FUT8: variants seen among roughly 807,000 people sequenced by gnomAD.
The protein encoded by FUT8 is alpha-(1,6)-fucosyltransferase.
Under a neutral mutation model 71.3 loss-of-function variants are expected in FUT8, and 29 were observed. The observed-to-expected ratio is 0.41, with a 90% CI of 0.30 to 0.55. The LOEUF is 0.55. Ranked by LOEUF, FUT8 falls within the 20% of genes least tolerant of loss-of-function variation. The probability of loss-of-function intolerance (pLI) is 0.34; values close to 1 mark genes in which losing one functional copy is unlikely to be tolerated. For missense variants in FUT8, 544 were observed against 702.1 expected (o/e 0.77, Z 2.55); for synonymous variants, 254 against 239.3 (o/e 1.06, Z -0.57).
intron 3 of FUT8, among the ~76,000 whole-genome samples, chr14:65,564,687 T>C (rs9323461): frequency 0.7 from 106,280 of 151,758 alleles, 37,505 homozygotes; most frequent in East Asian, 0.9. Flanking sequence ...AATTCTGTCC[T>C]GACCTCCTGT....
At chr14:65,659,597 C>CT (rs968164663) in intron 6 of FUT8, among the ~76,000 whole-genome samples, 3 of 152,204 alleles carry the variant, frequency 2.0e-5, no homozygotes, top group East Asian at 3.9e-4. Context: ...AGAACTGATA[C>CT]TTTATCTTTT....
intron 9 of FUT8, among the ~76,000 whole-genome samples, chr14:65,732,098 A>G (rs1594947676): frequency 6.6e-6 from 1 of 152,206 alleles, no homozygotes; most frequent in South Asian, 2.1e-4. Flanking sequence ...CAAATGTGAC[A>G]TTTTCTTCAT....
At chr14:65,599,390 T>G (rs975001883) in intron 3 of FUT8, among the ~76,000 whole-genome samples, 1 of 152,210 alleles carries the variant, frequency 6.6e-6, no homozygotes, top group Admixed American at 6.5e-5. Context: ...TCTTAAAAAT[T>G]GAAGAAGTGC....
intron 1 of FUT8, among the ~76,000 whole-genome samples, chr14:65,443,418 A>AAC (rs2139499211): frequency 6.6e-6 from 1 of 151,090 alleles, no homozygotes; most frequent in East Asian, 1.9e-4. Context: ...TCAAAAAAAA[A>AAC]AAAAGAGTTT....
intron 2 of FUT8, among the ~76,000 whole-genome samples, chr14:65,517,266 G>T (rs1294772858): frequency 6.6e-6 from 1 of 151,948 alleles, no homozygotes; most frequent in African/African-American, 2.4e-5. Context: ...ACTTAAACGA[G>T]CTAAATATCT....
the FUT8 span, among the ~76,000 whole-genome samples, chr14:65,398,215 T>C: frequency 9.8e-4 from 149 of 152,252 alleles, 1 homozygote; most frequent in Non-Finnish European, 1.3e-3. Flanking sequence ...GGCTGGAGTA[T>C]AGTGGCACAA....
the FUT8 span, among the ~76,000 whole-genome samples, chr14:65,394,777 G>T: frequency 5.7e-4 from 85 of 149,118 alleles, no homozygotes; most frequent in Non-Finnish European, 1.1e-3. Context: ...TTGAGACGGA[G>T]TCTTGCTCTG....
chr14:65,726,330 A>G (rs561983308), intron 9 of FUT8, among the ~76,000 whole-genome samples: 3 of 152,342 alleles, frequency 2.0e-5, no homozygotes, highest in South Asian at 2.1e-4. Context: ...TAAATACCCT[A>G]TTAGTTCATT....
intron 2 of FUT8, among the ~76,000 whole-genome samples, chr14:65,477,061 A>C (rs12147506): frequency 0.012 from 1,826 of 152,176 alleles, 15 homozygotes; most frequent in South Asian, 0.024. Context: ...GCACTCTTGA[A>C]GATTCTGAGT....
intron 1 of FUT8, among the ~76,000 whole-genome samples, chr14:65,426,328 GTTT>G (rs1334950112): frequency 2.2e-5 from 3 of 133,958 alleles, no homozygotes; most frequent in Non-Finnish European, 1.6e-5. Context: ...CCTTTTTAAA[GTTT>G]TTTTTTTTTT....
At chr14:65,562,634 G>A (rs1885976547) in intron 3 of FUT8, among the ~76,000 whole-genome samples, 1 of 152,064 alleles carries the variant, frequency 6.6e-6, no homozygotes, top group African/African-American at 2.4e-5. Context: ...TCAAACTAGA[G>A]AAGCTAGAAA....
chr14:65,717,839 T>A (rs1375440600), intron 7 of FUT8, among the ~76,000 whole-genome samples: 1 of 152,184 alleles, frequency 6.6e-6, no homozygotes, highest in East Asian at 1.9e-4. Context: ...TTTTTATAGT[T>A]TTTTTTTCTT....
chr14:65,433,612 T>C (rs1034391580), intron 1 of FUT8, among the ~76,000 whole-genome samples: 3 of 152,226 alleles, frequency 2.0e-5, no homozygotes, highest in Non-Finnish European at 4.4e-5. Context: ...AAATGTAAGG[T>C]AATGAAAAGT....
At chr14:65,633,013 C>CT (rs1431387398) in intron 6 of FUT8, among the ~76,000 whole-genome samples, 2 of 147,842 alleles carry the variant, frequency 1.4e-5, no homozygotes, top group Non-Finnish European at 3.0e-5. Context: ...CTCCCCCCCC[C>CT]CGTCTCCCCA....
the FUT8 span, among the ~76,000 whole-genome samples, chr14:65,366,957 A>G: frequency 8.2e-4 from 125 of 152,338 alleles, no homozygotes; most frequent in Admixed American, 1.9e-3. Flanking sequence ...AAATGTAGAG[A>G]AAAGCGAAGA....
intron 7 of FUT8, among the ~76,000 whole-genome samples, chr14:65,712,312 A>G (rs534977758): frequency 6.6e-6 from 1 of 152,334 alleles, no homozygotes; most frequent in Non-Finnish European, 1.5e-5. Context: ...GATTTATGGA[A>G]ATTTAATTCT....
At chr14:65,381,567 CCCTT>C in the FUT8 span, among the ~76,000 whole-genome samples, 1 of 152,174 alleles carries the variant, frequency 6.6e-6, no homozygotes, top group Non-Finnish European at 1.5e-5. Flanking sequence ...GGCCTCTTGA[CCCTT>C]TGCCTTCTAC....
intron 5 of FUT8, among the ~76,000 whole-genome samples, chr14:65,620,310 C>A (rs1374042693): frequency 6.6e-6 from 1 of 152,056 alleles, no homozygotes; most frequent in Non-Finnish European, 1.5e-5. Flanking sequence ...ATCTCATCTC[C>A]CTTACCTAGT....
rs906498622 is a variant in FUT8, at chr14:65,483,216, CT to C, written c.-228+27499del. On this transcript the variant is annotated intron_variant, in intron 2 of 10. Coordinates refer to ENST00000673929, the MANE Select transcript of FUT8 (RefSeq NM_001371533.1). The surrounding 1 kb of genome is among the most constrained non-coding windows in gnomAD (Gnocchi z 4.4). The stretch of plus-strand genomic sequence containing the variant: ...ACTTCCGTGCTATTCAGTGAGAGGA[CT>C]GTGTTCTCTCCAACAAGGTCTGGAT... Among the ~76,000 whole-genome samples, 1 of 152,202 alleles carries C rather than the reference CT, an allele frequency of 6.6e-6. No homozygotes were observed. Among genetic ancestry groups the C allele is most frequent in the Non-Finnish European group, 1.5e-5 (1 of 68,038 alleles).
Sources: allele counts gnomAD v4.1 joint callset (sites outside exome capture counted in the v4.1 genomes callset), GRCh38; gene constraint gnomAD v4.1.1; non-coding constraint Gnocchi (gnomAD v3.1); transcripts MANE v1.5; gene names NCBI Gene and HGNC (gene_info 2026-07-23, HGNC 2026-07-21).